Variants in ADGRG6 observed in about 807,000 individuals in gnomAD.
ADGRG6 encodes G-protein coupled receptor 126.
In ADGRG6, 84 loss-of-function variants were observed where a neutral mutation model predicts 142.4. That is an observed-to-expected ratio of 0.59 (90% confidence interval 0.49 to 0.71). The LOEUF is 0.71. ADGRG6 is among the 30% of genes least tolerant of loss of function. The pLI, the probability that ADGRG6 is intolerant of heterozygous loss-of-function variation, is 0.00. For synonymous variants in ADGRG6, 521 were observed against 520.5 expected (o/e 1.00, Z -0.01); for missense variants, 1,367 against 1,466.6 (o/e 0.93, Z 1.11).
At chr6:142,334,345 T>A (rs1204571024) in intron 2 of ADGRG6, among the ~76,000 whole-genome samples, 1 of 152,174 alleles carries the variant, frequency 6.6e-6, no homozygotes, top group Admixed American at 6.5e-5. Flanking sequence ...TATATTACAC[T>A]TGTTAACACT....
rs115596643 is a variant in ADGRG6, at chr6:142,366,146, G to A, written c.104-1423G>A. ...CCTTGGTTTCTGATTCCAACTGGTG[G>A]ATAAATAATAATTGAGAAGAACCTA... On this transcript the variant is annotated intron_variant, in intron 2 of 24. Coordinates refer to ENST00000367609, the MANE Select transcript of ADGRG6 (RefSeq NM_198569.3). 6.9e-3 allele frequency among the ~76,000 whole-genome samples: 1,043 copies of A among 152,242 alleles called. 7 individuals carry two copies. The highest frequency in any genetic ancestry group is 0.024 in the African/African-American group (998 of 41,548).
At chr6:142,313,022 C>T (rs1777846292) in intron 2 of ADGRG6, among the ~76,000 whole-genome samples, 1 of 152,022 alleles carries the variant, frequency 6.6e-6, no homozygotes, top group Admixed American at 6.6e-5. Flanking sequence ...TGGAATGATA[C>T]TCATCAGGCT....
At chr6:142,401,340 A>G (rs963437103) in intron 11 of ADGRG6, among the ~76,000 whole-genome samples, 11 of 152,308 alleles carry the variant, frequency 7.2e-5, no homozygotes, top group East Asian at 1.9e-4. Context: ...AATTCCATTT[A>G]ATCTTCTATA....
At position 142,402,644 on chromosome 6, in the gene ADGRG6, A is replaced by G. The variant is rs373975613; in HGVS notation, c.1769A>G (p.Gln590Arg). 205 of 1,599,726 alleles carry G rather than the reference A, an allele frequency of 1.3e-4. No individual in the cohort carries two copies. Among genetic ancestry groups the G allele is most frequent in the Non-Finnish European group, 1.7e-4 (198 of 1,170,120 alleles). ...CLKEANEVAN[Q>R]ILNLTADGQN... is the part of the protein sequence containing the mutation. ...GAAGAAGCAAATGAAGTTGCTAACC[A>G]GATTTTAAATTTAACTGCTGATGGG... is the stretch of plus-strand genomic sequence containing the variant. The change falls in exon 13 of 25, where the codon CAG becomes CGG. Residue 590 changes from glutamine to arginine, a missense_variant. Physicochemically the swap from Gln to Arg is conservative, Grantham distance 43. This residue lies in a region of ADGRG6 where 737 missense variants were observed against 746.5 expected (regional missense o/e 0.99). Coordinates refer to ENST00000367609, the MANE Select transcript of ADGRG6 (RefSeq NM_198569.3).
Position 142,397,901 on chromosome 6 carries a change from A to G in ADGRG6, c.1567+146A>G, listed in dbSNP as rs570777030. The G allele has an allele frequency of 1.6e-5, 8 of 504,280 alleles. No individual in the cohort carries two copies. The South Asian group carries it at 1.9e-4, about 12-fold the overall frequency. The allele number at this position is 504,280 out of a possible 1,614,324, so 31.2% of individuals were successfully genotyped here. On this transcript the variant is annotated intron_variant, in intron 10 of 24. Transcript: ENST00000367609. The stretch of plus-strand genomic sequence containing the variant: ...TGAAGTTCAGTAACAAATGAATGAC[A>G]TAGCAGAAAAAAAAAATCAGCTCAG...
chr6:142,380,704 A>G (rs1781732715), intron 4 of ADGRG6, among the ~76,000 whole-genome samples: 1 of 152,052 alleles, frequency 6.6e-6, no homozygotes, highest in South Asian at 2.1e-4. Flanking sequence ...TCTTCTTTGA[A>G]ATGGATTTTC....
chr6:142,394,585 T>C (rs1775074445), intron 9 of ADGRG6, among the ~76,000 whole-genome samples: 1 of 150,892 alleles, frequency 6.6e-6, no homozygotes, highest in Admixed American at 6.6e-5. Flanking sequence ...TGTAGATTTT[T>C]TTTTTTTTTT....
At chr6:142,349,271 G>T (rs1780048362) in intron 2 of ADGRG6, among the ~76,000 whole-genome samples, 1 of 152,200 alleles carries the variant, frequency 6.6e-6, no homozygotes, top group South Asian at 2.1e-4. Context: ...CAGGGGGTTG[G>T]TCAGGGACTA....
At chr6:142,430,220 G>A (rs773992642) in intron 22 of ADGRG6, among the ~76,000 whole-genome samples, 74 of 152,118 alleles carry the variant, frequency 4.9e-4, no homozygotes, top group Admixed American at 1.8e-3. Context: ...TTTATTATCC[G>A]AGGGAAGAAA....
intron 4 of ADGRG6, 22 bp from the exon 5 acceptor site, chr6:142,381,929 T>C: frequency 6.7e-7 from 1 of 1,483,300 alleles, no homozygotes; most frequent in Non-Finnish European, 9.3e-7. Flanking sequence ...CAAACTTACA[T>C]ATTCTTTTTG....
chr6:142,333,261 G>A (rs1053858195), intron 2 of ADGRG6, among the ~76,000 whole-genome samples: 1 of 152,108 alleles, frequency 6.6e-6, no homozygotes, highest in African/African-American at 2.4e-5. Flanking sequence ...CAGATGGTTA[G>A]AAAAAGAGCA....
In ADGRG6 at chr6:142,438,329, G is replaced by T; in HGVS notation, c.3539G>T (p.Ser1180Ile). Reference sequence around the variant, plus strand: ...TATCTTACATCCAAATCTAAATCCAGCTCTACCACCTATTTCAAAAGGAAT... The same window carrying T: ...TATCTTACATCCAAATCTAAATCCATCTCTACCACCTATTTCAAAAGGAAT... Reference protein sequence around the residue: ...STYLTSKSKSSSTTYFKRNSH... With the variant: ...STYLTSKSKSISTTYFKRNSH... Residue 1180 changes from serine to isoleucine, a missense_variant, in exon 24 of 25, where the codon AGC (serine) becomes ATC (isoleucine). Ser to Ile is a moderately radical substitution (Grantham distance 142, BLOSUM62 -2). Transcript: ENST00000367609. 6.2e-7 allele frequency: 1 copy of T among 1,609,428 alleles called. No homozygotes were observed. Among genetic ancestry groups the T allele is most frequent in the South Asian group, 1.1e-5 (1 of 90,458 alleles).
chr6:142,339,144 TA>T (rs1562322168), intron 2 of ADGRG6, among the ~76,000 whole-genome samples: 1 of 152,210 alleles, frequency 6.6e-6, no homozygotes, highest in Non-Finnish European at 1.5e-5. Context: ...TAGTCATCTT[TA>T]TGTTTTTGAG....
chr6:142,393,273 A>G (rs1775000791), intron 8 of ADGRG6, among the ~76,000 whole-genome samples: 1 of 152,154 alleles, frequency 6.6e-6, no homozygotes, highest in African/African-American at 2.4e-5. Flanking sequence ...GGATAATTAA[A>G]TATAAATAGA....
intron 1 of ADGRG6, among the ~76,000 whole-genome samples, chr6:142,305,592 G>A (rs755564626): frequency 6.6e-5 from 10 of 152,100 alleles, no homozygotes; most frequent in Non-Finnish European, 1.3e-4. Flanking sequence ...TAGAGATCCT[G>A]TATACCTTTG....
At chr6:142,349,977 C>T (rs1324621216) in intron 2 of ADGRG6, among the ~76,000 whole-genome samples, 1 of 152,148 alleles carries the variant, frequency 6.6e-6, no homozygotes, top group Non-Finnish European at 1.5e-5. Flanking sequence ...ACAAGTACTA[C>T]CAGCACTCGG....
At chr6:142,325,314 G>C (rs1778719337) in intron 2 of ADGRG6, among the ~76,000 whole-genome samples, 1 of 152,152 alleles carries the variant, frequency 6.6e-6, no homozygotes, top group Non-Finnish European at 1.5e-5. Context: ...TCCCATAGGA[G>C]AGAAGTGCTA....
chr6:142,403,873 C>T lies in ADGRG6; in HGVS notation c.2027C>T (p.Thr676Ile). 6.2e-7 allele frequency: 1 copy of T among 1,608,738 alleles called. No individual in the cohort carries two copies. The highest frequency in any genetic ancestry group is 8.5e-7 in the Non-Finnish European group (1 of 1,175,556). ...LNSTSHVNIT[T>I]RNLALSVSSL... ...AGCACATCACATGTGAATATTACAA[C>T]TCGGAACTTGGCTCTCAGCGTATCA... Residue 676 changes from threonine (T) to isoleucine (I), a missense_variant, in exon 14 of 25, where the codon ACT (threonine) becomes ATT (isoleucine). Thr to Ile is a moderately conservative substitution (Grantham distance 89). This residue lies in a region of ADGRG6 where 286 missense variants were observed against 371.4 expected (regional missense o/e 0.77). Transcript: ENST00000367609.
At chr6:142,339,140 T>C (rs1352484647) in intron 2 of ADGRG6, among the ~76,000 whole-genome samples, 1 of 152,226 alleles carries the variant, frequency 6.6e-6, no homozygotes, top group Non-Finnish European at 1.5e-5. Flanking sequence ...TTAATAGTCA[T>C]CTTTATGTTT....
Sources: gnomAD v4.1 joint callset for allele counts (sites outside exome capture counted in the v4.1 genomes callset) on GRCh38, gnomAD v4.1.1 for gene constraint, gnomAD v4.1.1 regional missense constraint, MANE v1.5 for transcripts, NCBI Gene and HGNC (gene_info 2026-07-23, HGNC 2026-07-21) for gene names.